The following ELOVL6 variants were observed in gnomAD, a reference collection of about 807,000 sequenced individuals.
The protein encoded by ELOVL6 is ELOVL fatty acid elongase 6.
Under a neutral mutation model 31.7 loss-of-function variants are expected in ELOVL6, and 8 were observed. That is an observed-to-expected ratio of 0.25 (90% CI 0.15 to 0.45). The LOEUF is 0.45. Ranked by LOEUF, ELOVL6 falls within the 20% of genes least tolerant of loss-of-function variation. The probability of loss-of-function intolerance (pLI) is 1.00; values close to 1 mark genes in which losing one functional copy is unlikely to be tolerated. For synonymous variants in ELOVL6, 101 were observed against 117.7 expected, an observed-to-expected ratio of 0.86 and a Z score of 0.92; for missense variants, 126 against 326.4, an observed-to-expected ratio of 0.39 and a Z score of 4.73.
intron 2 of ELOVL6, among the ~76,000 whole-genome samples, chr4:110,078,025 G>C (rs907384865): frequency 2.2e-4 from 34 of 152,282 alleles, no homozygotes; most frequent in African/African-American, 7.7e-4. Context: ...AAAGCAAGAA[G>C]AGAACTTTAG....
intron 1 of ELOVL6, among the ~76,000 whole-genome samples, chr4:110,136,814 ATAT>A (rs1757826356): frequency 2.0e-5 from 3 of 152,344 alleles, no homozygotes; most frequent in African/African-American, 7.2e-5. Flanking sequence ...ATGTCCACCC[ATAT>A]CCTATAACAC....
intron 2 of ELOVL6, among the ~76,000 whole-genome samples, chr4:110,094,583 G>A (rs943543816): frequency 6.0e-5 from 9 of 150,518 alleles, no homozygotes; most frequent in Non-Finnish European, 8.9e-5. Context: ...AGGGCCCTGA[G>A]GCAGAGGCCT....
intron 1 of ELOVL6, among the ~76,000 whole-genome samples, chr4:110,196,528 G>A (rs1180896844): frequency 6.6e-6 from 1 of 152,174 alleles, no homozygotes; most frequent in African/African-American, 2.4e-5. Flanking sequence ...GCCCCGAAAC[G>A]CCGAGGTCTA....
intron 1 of ELOVL6, among the ~76,000 whole-genome samples, chr4:110,115,979 C>T (rs1349004900): frequency 6.6e-6 from 1 of 152,148 alleles, no homozygotes; most frequent in East Asian, 1.9e-4. Context: ...CAAGCTGTTT[C>T]CATGGTCACG....
intron 2 of ELOVL6, among the ~76,000 whole-genome samples, chr4:110,088,705 AG>A (rs1756338344): frequency 6.6e-6 from 1 of 152,176 alleles, no homozygotes; most frequent in African/African-American, 2.4e-5. Flanking sequence ...GGTCATATTA[AG>A]TAAAATAAGA....
chr4:110,167,155 G>C (rs896171105), intron 1 of ELOVL6, among the ~76,000 whole-genome samples: 1 of 152,162 alleles, frequency 6.6e-6, no homozygotes, highest in Non-Finnish European at 1.5e-5. Flanking sequence ...CAGGGTTTCA[G>C]TATCTCTCCA....
chr4:110,088,065 T>TA (rs1298730121), intron 2 of ELOVL6, among the ~76,000 whole-genome samples: 3 of 152,174 alleles, frequency 2.0e-5, no homozygotes, highest in African/African-American at 7.2e-5. Context: ...ATTTTTCCTG[T>TA]AAAAGAAACA....
Position 110,169,238 on chromosome 4 carries a change from G to GTTTTTTTT in ELOVL6, c.89+29008_89+29009insAAAAAAAA, listed in dbSNP as rs140593620. Reference sequence around the variant, plus strand: ...CCCCAACAGAGTTTTGGGGTTTTTTGTTTTGTTTTTTTTTTTTTGAGACGG... The same window carrying GTTTTTTTT: ...CCCCAACAGAGTTTTGGGGTTTTTTGTTTTTTTTTTTTGTTTTTTTTTTTTTGAGACGG... On this transcript the variant is annotated intron_variant, in intron 1 of 3. Transcript: ENST00000302274. Among the ~76,000 whole-genome samples the GTTTTTTTT allele has an allele frequency of 3.7e-5, 5 of 136,730 alleles. 2 individuals are homozygous for GTTTTTTTT. Among genetic ancestry groups the GTTTTTTTT allele is most frequent in the Non-Finnish European group, 4.6e-5 (3 of 64,676 alleles). 89.7% of individuals were successfully genotyped at this position (136,730 alleles called of 152,430 possible).
intron 1 of ELOVL6, among the ~76,000 whole-genome samples, chr4:110,124,521 C>T (rs1220323240): frequency 6.6e-6 from 1 of 151,930 alleles, no homozygotes; most frequent in East Asian, 1.9e-4. Flanking sequence ...CACATGGACA[C>T]GAGGAAGGGA....
intron 1 of ELOVL6, among the ~76,000 whole-genome samples, chr4:110,192,219 A>G (rs993468217): frequency 1.3e-5 from 2 of 151,976 alleles, no homozygotes; most frequent in Non-Finnish European, 2.9e-5. Context: ...AAGAAAGAAA[A>G]AAAAGAAAAA....
intron 2 of ELOVL6, among the ~76,000 whole-genome samples, chr4:110,066,923 C>T (rs1462956301): frequency 1.3e-5 from 2 of 152,152 alleles, no homozygotes; most frequent in Admixed American, 6.5e-5. Flanking sequence ...CCATTGCCCC[C>T]CACCCCCTGC....
chr4:110,078,652 C>T (rs2058682561), intron 2 of ELOVL6, among the ~76,000 whole-genome samples: 1 of 152,130 alleles, frequency 6.6e-6, no homozygotes, highest in African/African-American at 2.4e-5. Flanking sequence ...ATTGTAAAGA[C>T]CATTGAGGCT....
chr4:110,169,013 T>A (rs992883420), intron 1 of ELOVL6, among the ~76,000 whole-genome samples: 1 of 152,024 alleles, frequency 6.6e-6, no homozygotes, highest in African/African-American at 2.4e-5. Context: ...CCAGGCTGGT[T>A]TGCAATGGCA....
At chr4:110,157,458 G>T (rs916487535) in intron 1 of ELOVL6, among the ~76,000 whole-genome samples, 3 of 152,108 alleles carry the variant, frequency 2.0e-5, no homozygotes, top group Non-Finnish European at 2.9e-5. Flanking sequence ...ATCAAGTGAG[G>T]TCAGGAGTTC....
chr4:110,127,436 T>TA (rs1553959453), intron 1 of ELOVL6, among the ~76,000 whole-genome samples: 1 of 122,696 alleles, frequency 8.2e-6, no homozygotes, highest in Non-Finnish European at 1.7e-5. Context: ...GAAAAGAAGG[T>TA]AAGCCTATGT....
chr4:110,193,986 A>G (rs1759701461), intron 1 of ELOVL6, among the ~76,000 whole-genome samples: 3 of 152,206 alleles, frequency 2.0e-5, no homozygotes, highest in Admixed American at 6.5e-5. Flanking sequence ...AGCCGACATC[A>G]GAAGATAATC....
At chr4:110,168,877 T>C (rs1018734768) in intron 1 of ELOVL6, among the ~76,000 whole-genome samples, 2 of 152,210 alleles carry the variant, frequency 1.3e-5, no homozygotes, top group Non-Finnish European at 2.9e-5. Context: ...ATTAAATTAA[T>C]GTTCATGAAG....
intron 1 of ELOVL6, among the ~76,000 whole-genome samples, chr4:110,185,113 G>T (rs543863896): frequency 6.6e-6 from 1 of 152,320 alleles, no homozygotes; most frequent in East Asian, 1.9e-4. Context: ...CTTGTCAGTG[G>T]ACAAAGGATT....
chr4:110,089,052 A>T (rs1756346417), intron 2 of ELOVL6, among the ~76,000 whole-genome samples: 1 of 152,108 alleles, frequency 6.6e-6, no homozygotes, highest in Non-Finnish European at 1.5e-5. Context: ...GTCCTCCAAA[A>T]ATCAGATCTA....
Sources: gnomAD v4.1 joint callset for allele counts (sites outside exome capture counted in the v4.1 genomes callset) on GRCh38, gnomAD v4.1.1 for gene constraint, MANE v1.5 for transcripts, NCBI Gene and HGNC (gene_info 2026-07-23, HGNC 2026-07-21) for gene names.